Variants in INO80 observed in about 807,000 individuals in gnomAD.
INO80 encodes chromatin-remodeling ATPase INO80.
A neutral mutation model predicts 203.4 loss-of-function variants in INO80; 20 were observed. The observed-to-expected ratio is 0.10, with a 90% CI of 0.07 to 0.14. INO80 has a LOEUF of 0.14. Among genes scored for constraint, INO80 ranks in the 10% least tolerant of loss-of-function variants. The pLI is 1.00. For synonymous variants in INO80, 726 were observed against 685.2 expected (o/e 1.06, Z -0.93); for missense variants, 1,419 against 1,914.4 (o/e 0.74, Z 4.83).
chr15:41,085,554 GTCT>G lies in INO80; in HGVS notation c.685_687del (p.Arg231del), dbSNP rs2045550575. The G allele has an allele frequency of 6.2e-7, 1 of 1,614,020 alleles. No homozygotes were observed. Among genetic ancestry groups the G allele is most frequent in the Non-Finnish European group, 8.5e-7 (1 of 1,179,980 alleles). ...TCAGAGGAAAGTTCTTCATCTCTTC[GTCT>G]TTTTTTCTTCACTTTTTTCAACTTA... On this transcript the variant is annotated inframe_deletion, in exon 7 of 36. Coordinates refer to ENST00000648947, the MANE Select transcript of INO80 (RefSeq NM_017553.3).
At chr15:40,990,771 GAACTTTC>G (rs2043807316) in intron 29 of INO80, among the ~76,000 whole-genome samples, 1 of 152,204 alleles carries the variant, frequency 6.6e-6, no homozygotes, top group African/African-American at 2.4e-5. Flanking sequence ...GACCAAGTTT[GAACTTTC>G]AGGGAGAACA....
At chr15:40,984,133 G>T in intron 33 of INO80, 64 bp downstream of exon 33, 1 of 1,526,674 alleles carries the variant, frequency 6.6e-7, no homozygotes, top group Non-Finnish European at 9.0e-7. Context: ...CCAGCAGTGT[G>T]TCCCTGCTAC....
chr15:41,072,399 T>C (rs2045335068), intron 11 of INO80, among the ~76,000 whole-genome samples: 1 of 151,874 alleles, frequency 6.6e-6, no homozygotes, highest in African/African-American at 2.4e-5. Context: ...TCTTTCTGAT[T>C]TTGTTAAACA....
Position 40,984,348 on chromosome 15 carries a change from T to C in INO80, c.3926A>G (p.Lys1309Arg). 6.2e-7 allele frequency: 1 copy of C among 1,614,096 alleles called. No homozygotes were observed. Among genetic ancestry groups the C allele is most frequent in the Non-Finnish European group, 8.5e-7 (1 of 1,179,970 alleles). Residue 1309 changes from lysine (K) to arginine (R), a missense_variant, in exon 33 of 36, where the codon AAA becomes AGA. By Grantham distance (26) the Lys-to-Arg change is conservative. Around this residue, in one of 9 missense-constraint regions of INO80, gnomAD observed 214 missense variants for 248.9 expected, o/e 0.86. Transcript: ENST00000648947. ...RKREKYAEKK[K>R]KEDELDGKRR... ...TTTCCCATCCAATTCATCTTCTTTT[T>C]TCTTCTGGGAACACACGGATAAATA...
At chr15:41,064,359 T>C (rs749057112) in intron 14 of INO80, among the ~76,000 whole-genome samples, 13 of 152,212 alleles carry the variant, frequency 8.5e-5, no homozygotes, top group Non-Finnish European at 1.8e-4. Flanking sequence ...AATCCTCCAC[T>C]GTTTGAAAAT....
chr15:41,090,029 C>T (rs562543525), intron 5 of INO80, among the ~76,000 whole-genome samples: 10 of 152,268 alleles, frequency 6.6e-5, no homozygotes, highest in Admixed American at 6.5e-4. Flanking sequence ...GTACACAAAT[C>T]TTCATACCAT....
intron 12 of INO80, among the ~76,000 whole-genome samples, chr15:41,071,443 ATTTCC>A (rs2045313570): frequency 8.3e-6 from 1 of 120,206 alleles, no homozygotes; most frequent in Non-Finnish European, 1.7e-5. Context: ...TCTTGTACTC[ATTTCC>A]TTTTTTTTTT....
At chr15:41,091,817 C>A (rs1008720637) in intron 5 of INO80, among the ~76,000 whole-genome samples, 1 of 151,958 alleles carries the variant, frequency 6.6e-6, no homozygotes, top group Admixed American at 6.6e-5. Context: ...CCACACCCAG[C>A]TAAATTTTGT....
At chr15:41,115,907 G>A (rs2046027753) in intron 1 of INO80, 66 bp downstream of exon 1, 4 of 380,630 alleles carry the variant, frequency 1.1e-5, no homozygotes, top group East Asian at 3.8e-5. Flanking sequence ...GTCGCCCGCA[G>A]AGAGGGGCGC....
chr15:41,045,099 G>T (rs754082093), intron 23 of INO80, 24 bp from the exon 24 acceptor site: 1 of 1,572,408 alleles, frequency 6.4e-7, no homozygotes, highest in Non-Finnish European at 8.6e-7. Flanking sequence ...CAGCAGACAC[G>T]CTTATTCAGT....
Position 41,022,112 on chromosome 15 carries a change from A to C in INO80, c.3049-987T>G, listed in dbSNP as rs75723262. Among the ~76,000 whole-genome samples, 1,498 of 152,336 alleles carry C rather than the reference A, an allele frequency of 9.8e-3. 30 individuals are homozygous for C. The highest frequency in any genetic ancestry group is 0.035 in the African/African-American group (1,453 of 41,572). On this transcript the variant is annotated intron_variant, in intron 25 of 35. Transcript: ENST00000648947. ...GAGTGCCTACATGATGCACTAAGGA[A>C]ATGCTCATTGGAGCATTTTGGGTTT... is the stretch of plus-strand genomic sequence containing the variant.
chr15:41,042,704 C>T (rs2044689421), intron 24 of INO80, among the ~76,000 whole-genome samples: 1 of 152,106 alleles, frequency 6.6e-6, no homozygotes, highest in Non-Finnish European at 1.5e-5. Context: ...GAACTCCTGA[C>T]CTCAAGGGAT....
At chr15:41,041,877 G>A (rs1281426221) in intron 24 of INO80, among the ~76,000 whole-genome samples, 1 of 136,428 alleles carries the variant, frequency 7.3e-6, no homozygotes, top group Non-Finnish European at 1.5e-5. Flanking sequence ...CTCTGTCACT[G>A]AGGCTGGAGT....
intron 1 of INO80, among the ~76,000 whole-genome samples, chr15:41,115,180 C>G (rs2046012689): frequency 6.6e-6 from 1 of 152,166 alleles, no homozygotes; most frequent in Non-Finnish European, 1.5e-5. Context: ...CCATTTCTAA[C>G]AAGTACATCA....
intron 26 of INO80, chr15:41,018,885 C>G (rs2044248721): frequency 6.6e-6 from 1 of 152,186 alleles, no homozygotes; most frequent in Non-Finnish European, 1.5e-5. Context: ...TTCTTTAAAA[C>G]AGGAGCTTTC....
At chr15:41,067,562 G>A (rs923453352) in intron 14 of INO80, among the ~76,000 whole-genome samples, 7 of 152,078 alleles carry the variant, frequency 4.6e-5, no homozygotes, top group African/African-American at 1.4e-4. Context: ...CAAATTAAAA[G>A]CTATATATCC....
intron 19 of INO80, among the ~76,000 whole-genome samples, chr15:41,051,737 G>T (rs150866536): frequency 6.6e-6 from 1 of 152,140 alleles, no homozygotes; most frequent in East Asian, 1.9e-4. Context: ...GGTGGATCAC[G>T]AAGTCAAGAG....
At chr15:40,981,043 C>T (rs1248974687) in intron 35 of INO80, among the ~76,000 whole-genome samples, 2 of 152,220 alleles carry the variant, frequency 1.3e-5, no homozygotes, top group African/African-American at 4.8e-5. Context: ...AGTGAACTTC[C>T]CTTTTTCCTA....
intron 24 of INO80, among the ~76,000 whole-genome samples, chr15:41,028,286 C>T (rs1187720581): frequency 1.3e-5 from 2 of 152,124 alleles, no homozygotes; most frequent in African/African-American, 4.8e-5. Context: ...CAGGCGTGCA[C>T]CACCACACCT....
Sources: allele counts gnomAD v4.1 joint callset (sites outside exome capture counted in the v4.1 genomes callset), GRCh38; gene constraint gnomAD v4.1.1; regional missense constraint gnomAD v4.1.1; transcripts MANE v1.5; gene names NCBI Gene and HGNC (gene_info 2026-07-23, HGNC 2026-07-21).